Variants in ADNP2 observed in about 807,000 individuals in gnomAD.
The protein encoded by ADNP2 is activity-dependent neuroprotector homeobox protein 2.
Under a neutral mutation model 16.4 loss-of-function variants are expected in ADNP2, and 8 were observed. That is an observed-to-expected ratio of 0.49 (90% CI 0.29 to 0.88). ADNP2 has a LOEUF of 0.88. ADNP2 is among the 40% of genes least tolerant of loss of function. The pLI is 0.09. For missense variants in ADNP2, 1,397 were observed against 1,395.1 expected (o/e 1.00, Z -0.02); for synonymous variants, 637 against 545.8 (o/e 1.17, Z -2.33).
At chr18:80,110,861 TGAG>T (rs2052352823) in intron 1 of ADNP2, among the ~76,000 whole-genome samples, 1 of 152,006 alleles carries the variant, frequency 6.6e-6, no homozygotes, top group Non-Finnish European at 1.5e-5. Flanking sequence ...GCCCTCTAGT[TGAG>T]GGGAGGAACA....
At position 80,135,918 on chromosome 18, in the gene ADNP2, A is replaced by G; in HGVS notation, c.505A>G (p.Ser169Gly). 1 of 1,614,236 alleles carries G rather than the reference A, an allele frequency of 6.2e-7. No individual in the cohort carries two copies. The highest frequency in any genetic ancestry group is 1.3e-5 in the African/African-American group (1 of 75,064). ...KCNFSNTLYY[S>G]MKKHVLVAHF... is the part of the protein sequence containing the mutation. ...TAACTTTTCAAACACTTTGTACTAC[A>G]GCATGAAGAAGCATGTGCTGGTAGC... Residue 169 changes from serine to glycine, a missense_variant, in exon 4 of 4, where the codon AGC becomes GGC. Ser to Gly is a moderately conservative substitution (Grantham distance 56). Around this residue, in one of 3 missense-constraint regions of ADNP2, gnomAD observed 777 missense variants for 719.4 expected, o/e 1.08. Coordinates refer to ENST00000262198, the MANE Select transcript of ADNP2 (RefSeq NM_014913.4).
At chr18:80,121,309 T>C (rs2052423413) in intron 2 of ADNP2, among the ~76,000 whole-genome samples, 1 of 152,220 alleles carries the variant, frequency 6.6e-6, no homozygotes, top group African/African-American at 2.4e-5. Flanking sequence ...TTCAGCATCT[T>C]TTCATGTGCT....
chr18:80,116,061 G>A (rs969615607), intron 1 of ADNP2, among the ~76,000 whole-genome samples: 19 of 152,028 alleles, frequency 1.2e-4, no homozygotes, highest in Non-Finnish European at 1.9e-4. Flanking sequence ...CACTGCACTC[G>A]GCCCACTGTT....
chr18:80,127,038 G>A (rs143722645), intron 2 of ADNP2, among the ~76,000 whole-genome samples: 7 of 152,340 alleles, frequency 4.6e-5, no homozygotes, highest in Admixed American at 3.3e-4. Context: ...AAGATACTTT[G>A]AGAGACCACA....
chr18:80,124,308 T>C (rs1334863333), intron 2 of ADNP2, among the ~76,000 whole-genome samples: 3 of 152,368 alleles, frequency 2.0e-5, no homozygotes, highest in South Asian at 4.1e-4. Flanking sequence ...ATGGCAGCTC[T>C]AGCCCCAGGT....
Position 80,136,825 on chromosome 18 carries a change from C to T in ADNP2, c.1412C>T (p.Ala471Val), listed in dbSNP as rs745502723. The T allele has an allele frequency of 3.1e-6, 5 of 1,613,730 alleles. No homozygotes were observed. The highest frequency in any genetic ancestry group is 3.3e-5 in the Admixed American group (2 of 60,000). The change falls in exon 4 of 4, where the codon GCA (alanine) becomes GTA (valine). Residue 471 changes from alanine (A) to valine (V), a missense_variant. Around this residue, in one of 3 missense-constraint regions of ADNP2, gnomAD observed 777 missense variants for 719.4 expected, o/e 1.08. Coordinates refer to ENST00000262198, the MANE Select transcript of ADNP2 (RefSeq NM_014913.4). ...TPAGVIPGQT[A>V]TSGVLPTGQM... is the part of the protein sequence containing the mutation. ...GCAGGGGTTATCCCTGGGCAAACAGCAACTTCTGGGGTTCTTCCTACTGGC... is the reference window on the plus strand; with the variant it reads ...GCAGGGGTTATCCCTGGGCAAACAGTAACTTCTGGGGTTCTTCCTACTGGC...
chr18:80,136,556 C>T lies in ADNP2; in HGVS notation c.1143C>T (p.Val381=). The change falls in exon 4 of 4, where the codon GTC becomes GTT. Residue 381 remains valine (V), a synonymous_variant. Coordinates refer to ENST00000262198, the MANE Select transcript of ADNP2 (RefSeq NM_014913.4). ...VLPLSQPVGP[V]NKSVGTSVLP... ...CCTTGAGTCAGCCAGTCGGACCTGTCAATAAGTCTGTTGGAACTAGTGTCC... is the reference window on the plus strand; with the variant it reads ...CCTTGAGTCAGCCAGTCGGACCTGTTAATAAGTCTGTTGGAACTAGTGTCC... 6.2e-7 allele frequency: 1 copy of T among 1,614,226 alleles called. No individual in the cohort carries two copies. The highest frequency in any genetic ancestry group is 8.5e-7 in the Non-Finnish European group (1 of 1,180,044).
chr18:80,128,129 T>G (rs1292231337), intron 2 of ADNP2, among the ~76,000 whole-genome samples: 1 of 152,238 alleles, frequency 6.6e-6, no homozygotes, highest in Non-Finnish European at 1.5e-5. Context: ...CCAGCCTTCT[T>G]TATTCATTTC....
chr18:80,112,871 G>T (rs1440714589), intron 1 of ADNP2, among the ~76,000 whole-genome samples: 1 of 152,202 alleles, frequency 6.6e-6, no homozygotes, highest in Non-Finnish European at 1.5e-5. Context: ...TAGCTTCCCT[G>T]TTTCAGATAC....
intron 2 of ADNP2, 34 bp from the exon 3 acceptor site, chr18:80,133,069 T>G (rs2052508447): frequency 1.4e-6 from 2 of 1,401,632 alleles, no homozygotes; most frequent in Non-Finnish European, 2.0e-6. Context: ...CTTCTGAATT[T>G]ACATAATCTC....
chr18:80,109,746 C>G (rs910634971), intron 1 of ADNP2: 1 of 150,884 alleles, frequency 6.6e-6, no homozygotes, highest in Non-Finnish European at 1.5e-5. Context: ...GGGGGCCGCC[C>G]CGGGAGGGCG....
chr18:80,136,649 A>G lies in ADNP2; in HGVS notation c.1236A>G (p.Arg412=), dbSNP rs1300784015. The change falls in exon 4 of 4, where the codon AGA becomes AGG. Residue 412 remains arginine (R), a synonymous_variant. Coordinates refer to ENST00000262198, the MANE Select transcript of ADNP2 (RefSeq NM_014913.4). ...CCCAGCCTGTGGGACCCATAAACAG[A>G]CCTGTTGGGCCTGGTGTTCTTCCTG... is the stretch of plus-strand genomic sequence containing the variant. ...PLTQPVGPIN[R]PVGPGVLPVS... 6.2e-7 allele frequency: 1 copy of G among 1,613,408 alleles called. No individual in the cohort carries two copies. Among genetic ancestry groups the G allele is most frequent in the Non-Finnish European group, 8.5e-7 (1 of 1,179,748 alleles).
rs1037779731 is a variant in ADNP2, at chr18:80,138,318, A to C, written c.2905A>C (p.Met969Leu). Residue 969 changes from methionine to leucine, a missense_variant, in exon 4 of 4, where the codon ATG (methionine) becomes CTG (leucine). Met to Leu is a conservative substitution (Grantham distance 15). Transcript: ENST00000262198. ...SELLLVSGEV[M>L]HDSSFSVKRK... ...ACTGCTTTTAGTCAGTGGTGAAGTG[A>C]TGCATGATTCCAGTTTTTCTGTTAA... 10 of 1,614,008 alleles carry C rather than the reference A, an allele frequency of 6.2e-6. No individual in the cohort carries two copies. The African/African-American group carries it at 1.2e-4, about 19-fold the overall frequency.
At position 80,137,483 on chromosome 18, in the gene ADNP2, C is replaced by A; in HGVS notation, c.2070C>A (p.Ala690=). 6.2e-7 allele frequency: 1 copy of A among 1,614,228 alleles called. No homozygotes were observed. The highest frequency in any genetic ancestry group is 8.5e-7 in the Non-Finnish European group (1 of 1,180,044). ...AADTNQVLKQ[A]KQWKTCPVCN... ...ACACAAACCAGGTGCTCAAACAGGC[C>A]AAGCAGTGGAAGACCTGCCCTGTCT... Residue 690 remains alanine, a synonymous_variant, in exon 4 of 4, where the codon GCC becomes GCA. Coordinates refer to ENST00000262198, the MANE Select transcript of ADNP2 (RefSeq NM_014913.4). The surrounding 1 kb of genome is among the most constrained non-coding windows in gnomAD (Gnocchi z 4.2).
chr18:80,124,291 A>G lies in ADNP2; in HGVS notation c.108+6641A>G, dbSNP rs547364873. Among the ~76,000 whole-genome samples the G allele has an allele frequency of 2.6e-5, 4 of 152,276 alleles. No individual in the cohort carries two copies. In the East Asian group the frequency reaches 7.7e-4, roughly 29 times the overall value. ...CATTTTTCCTGAGATGGAATGAATC[A>G]TTCTTTATGGCAGCTCTAGCCCCAG... On this transcript the variant is annotated intron_variant, in intron 2 of 3. Coordinates refer to ENST00000262198, the MANE Select transcript of ADNP2 (RefSeq NM_014913.4).
chr18:80,138,508 A>G lies in ADNP2; in HGVS notation c.3095A>G (p.Lys1032Arg). The change falls in exon 4 of 4, where the codon AAG becomes AGG. Residue 1032 changes from lysine to arginine, a missense_variant. By Grantham distance (26) the Lys-to-Arg change is conservative. This residue lies in a region of ADNP2 where 611 missense variants were observed against 648.7 expected (regional missense o/e 0.94). Coordinates refer to ENST00000262198, the MANE Select transcript of ADNP2 (RefSeq NM_014913.4). ...NESRTEGPIV[K>R]DEALQILALD... ...AGCAGAACAGAGGGACCTATTGTCAAGGACGAGGCTCTTCAGATTTTAGCA... is the reference window on the plus strand; with the variant it reads ...AGCAGAACAGAGGGACCTATTGTCAGGGACGAGGCTCTTCAGATTTTAGCA... The G allele has an allele frequency of 6.2e-7, 1 of 1,614,168 alleles. No individual in the cohort carries two copies. The highest frequency in any genetic ancestry group is 8.5e-7 in the Non-Finnish European group (1 of 1,180,038).
At chr18:80,121,917 A>G (rs2052427719) in intron 2 of ADNP2, among the ~76,000 whole-genome samples, 2 of 150,806 alleles carry the variant, frequency 1.3e-5, no homozygotes, top group Non-Finnish European at 1.5e-5. Context: ...TAACAATCCT[A>G]TACTGGTTTT....
At position 80,126,284 on chromosome 18, in the gene ADNP2, A is replaced by G. The variant is rs118110464; in HGVS notation, c.109-6819A>G. ...TGTTGTTATACATTTTTTCTTCCAC[A>G]TGTTAGAAATCTTACAATATGTTGT... On this transcript the variant is annotated intron_variant, in intron 2 of 3. Transcript: ENST00000262198. 2.6e-3 allele frequency among the ~76,000 whole-genome samples: 399 copies of G among 152,028 alleles called. 10 individuals are homozygous for G. In the East Asian group the frequency reaches 0.042, roughly 16 times the overall value.
chr18:80,112,300 A>G (rs1464884649), intron 1 of ADNP2, among the ~76,000 whole-genome samples: 2 of 152,188 alleles, frequency 1.3e-5, no homozygotes, highest in Non-Finnish European at 2.9e-5. Flanking sequence ...GTAGCTTAGA[A>G]TGGATAAATT....
Sources: gnomAD v4.1 joint callset for allele counts (sites outside exome capture counted in the v4.1 genomes callset) on GRCh38, gnomAD v4.1.1 for gene constraint, gnomAD v4.1.1 regional missense constraint, Gnocchi (gnomAD v3.1) non-coding constraint, MANE v1.5 for transcripts, NCBI Gene and HGNC (gene_info 2026-07-23, HGNC 2026-07-21) for gene names.